Variants in NDUFC2 observed in about 807,000 individuals in gnomAD.
NDUFC2 encodes the protein NADH:ubiquinone oxidoreductase subunit C2.
Under a neutral mutation model 10.1 loss-of-function variants are expected in NDUFC2, and 2 were observed. That is an observed-to-expected ratio of 0.20 (90% CI 0.08 to 0.62). The LOEUF (loss-of-function observed/expected upper bound fraction) is 0.62. Ranked by LOEUF, NDUFC2 falls within the 20% of genes least tolerant of loss-of-function variation. NDUFC2 has a pLI of 0.87. For synonymous variants in NDUFC2, 61 were observed against 63.6 expected, an observed-to-expected ratio of 0.96 and a Z score of 0.20; for missense variants, 156 against 159.6, an observed-to-expected ratio of 0.98 and a Z score of 0.12.
At chr11:78,072,870 G>T in intron 2 of NDUFC2, 128 bp downstream of exon 2, 2 of 1,277,570 alleles carry the variant, frequency 1.6e-6, no homozygotes, top group Non-Finnish European at 2.1e-6. Context: ...AGAGAATTTT[G>T]GTCTATAGAC....
chr11:78,078,728 C>CTTTTTTTTTTTTTTTTTTTTTT lies in NDUFC2; in HGVS notation c.166+850_166+851insAAAAAAAAAAAAAAAAAAAAAA, dbSNP rs71046953. ...CCCAGACCTCATGAATCAGGATCCG[C>CTTTTTTTTTTTTTTTTTTTTTT]TTTTTTTTTTTTTTTGAGACAGGGT... On this transcript the variant is annotated intron_variant, in intron 1 of 2. Transcript: ENST00000281031. Among the ~76,000 whole-genome samples the CTTTTTTTTTTTTTTTTTTTTTT allele has an allele frequency of 7.9e-3, 485 of 61,554 alleles. 147 individuals carry two copies. Among genetic ancestry groups the CTTTTTTTTTTTTTTTTTTTTTT allele is most frequent in the African/African-American group, 0.023 (371 of 15,966 alleles). The allele number at this position is 61,554 out of a possible 152,430, so 40.4% of individuals were successfully genotyped here. A position where few individuals can be genotyped will look rare whatever the true frequency, so the allele number is the denominator to read the frequency against.
chr11:78,074,893 T>C (rs584981), intron 1 of NDUFC2, among the ~76,000 whole-genome samples: 28,546 of 152,168 alleles, frequency 0.19, 3,045 homozygotes, highest in Middle Eastern at 0.3. Flanking sequence ...CGCTGACCCA[T>C]GTTCCTCACA....
chr11:78,079,689 C>T lies in NDUFC2; in HGVS notation c.56G>A (p.Ser19Asn), dbSNP rs1295756791. ...PLRFLPDEAR[S>N]LPPPKLTDPR... The stretch of plus-strand genomic sequence containing the variant: ...GTCGGTCAGCTTGGGCGGGGGCAGG[C>T]TCCGGGCCTCATCCGGCAGAAACCG... The change falls in exon 1 of 3, where the codon AGC becomes AAC. Residue 19 changes from serine to asparagine, a missense_variant. Coordinates refer to ENST00000281031, the MANE Select transcript of NDUFC2 (RefSeq NM_004549.6). 3 of 1,609,982 alleles carry T rather than the reference C, an allele frequency of 1.9e-6. No homozygotes were observed. Among genetic ancestry groups the T allele is most frequent in the Admixed American group, 3.4e-5 (2 of 59,338 alleles).
chr11:78,075,274 T>A (rs964594630), intron 1 of NDUFC2, among the ~76,000 whole-genome samples: 4 of 152,198 alleles, frequency 2.6e-5, no homozygotes, highest in Admixed American at 6.5e-5. Context: ...TATAAAAAAA[T>A]TCTATTTATT....
At chr11:78,075,789 G>A (rs1859223965) in intron 1 of NDUFC2, among the ~76,000 whole-genome samples, 1 of 152,114 alleles carries the variant, frequency 6.6e-6, no homozygotes, top group African/African-American at 2.4e-5. Context: ...AAGTTTCCCT[G>A]TGTTTCCCAG....
At chr11:78,071,869 G>A (rs1047649718) in intron 2 of NDUFC2, among the ~76,000 whole-genome samples, 3 of 152,248 alleles carry the variant, frequency 2.0e-5, no homozygotes, top group Admixed American at 6.5e-5. Flanking sequence ...GGGCAGGTTC[G>A]GGACAAAGCA....
At chr11:78,074,472 G>T (rs1479520956) in intron 1 of NDUFC2, among the ~76,000 whole-genome samples, 1 of 151,914 alleles carries the variant, frequency 6.6e-6, no homozygotes, top group East Asian at 1.9e-4. Context: ...AATTAGCCGG[G>T]CGTGGTAGCA....
At chr11:78,070,668 G>A (rs1423529270) in intron 2 of NDUFC2, among the ~76,000 whole-genome samples, 1 of 152,154 alleles carries the variant, frequency 6.6e-6, no homozygotes, top group East Asian at 1.9e-4. Context: ...CCAAATGACT[G>A]CCAAGAGGGA....
rs1342026805 is a variant in NDUFC2 at position 78,079,837 on chromosome 11, C to T, written c.-93G>A. 19 of 1,446,336 alleles carry T rather than the reference C, an allele frequency of 1.3e-5. No homozygotes were observed. The highest frequency in any genetic ancestry group is 3.0e-5 in the African/African-American group (2 of 67,386). The allele number at this position is 1,446,336 out of a possible 1,614,324, so 89.6% of individuals were successfully genotyped here. On this transcript the variant is annotated 5_prime_UTR_variant, in exon 1 of 3. Transcript: ENST00000281031. ...TACCCCGGCCTAAGCGGTCAGCTTT[C>T]TCCTCCTCCTCTGCGCGCCGGACTC...
chr11:78,070,994 C>T (rs1400282101), intron 2 of NDUFC2, among the ~76,000 whole-genome samples: 1 of 152,202 alleles, frequency 6.6e-6, no homozygotes, highest in Non-Finnish European at 1.5e-5. Context: ...AAGATGACTT[C>T]CAGCTCTAAC....
In NDUFC2 at chr11:78,069,326, GC is replaced by G. The variant is rs1858887241; in HGVS notation, c.*660del. 6.5e-6 allele frequency: 1 copy of G among 153,100 alleles called. No homozygotes were observed. Among genetic ancestry groups the G allele is most frequent in the Non-Finnish European group, 1.5e-5 (1 of 68,818 alleles). The allele number at this position is 153,100 out of a possible 1,614,324, so 9.5% of individuals were successfully genotyped here. ...TTTCTCCAGGATAACCCACCTAAGAGCAAAGACAACTTGGCAACATAAGATT... is the reference window on the plus strand; with the variant it reads ...TTTCTCCAGGATAACCCACCTAAGAGAAAGACAACTTGGCAACATAAGATT... On this transcript the variant is annotated 3_prime_UTR_variant, in exon 3 of 3. Transcript: ENST00000281031.
intron 1 of NDUFC2, 24 bp downstream of exon 1, chr11:78,079,555 C>G (rs1038381499): frequency 6.5e-7 from 1 of 1,547,422 alleles, no homozygotes; most frequent in Admixed American, 2.0e-5. Flanking sequence ...TCCTCCCAGC[C>G]GATCCCGGCC....
chr11:78,079,123 A>AAAC (rs1172746273), intron 1 of NDUFC2, among the ~76,000 whole-genome samples: 3 of 151,560 alleles, frequency 2.0e-5, no homozygotes, highest in African/African-American at 7.3e-5. Flanking sequence ...CAAAAAAAAA[A>AAAC]AAAACCAAGC....
At chr11:78,072,872 T>C in intron 2 of NDUFC2, 126 bp downstream of exon 2, 1 of 1,322,120 alleles carries the variant, frequency 7.6e-7, no homozygotes, top group South Asian at 1.5e-5. Context: ...AGAATTTTGG[T>C]CTATAGACTA....
Position 78,073,132 on chromosome 11 carries a change from C to T in NDUFC2, c.176G>A (p.Arg59His), listed in dbSNP as rs200842875. The change falls in exon 2 of 3, where the codon CGC (arginine) becomes CAC (histidine). Residue 59 changes from arginine (R) to histidine (H), a missense_variant. Arg to His is a conservative substitution (Grantham distance 29, BLOSUM62 0). Transcript: ENST00000281031. ...RRPIATAGLH[R>H]QLLYITAFFF... ...AAAGGCCGTAATATATAGAAGCTGGCGATGCAAACCTGAAATTCAAATGAC... is the reference window on the plus strand; with the variant it reads ...AAAGGCCGTAATATATAGAAGCTGGTGATGCAAACCTGAAATTCAAATGAC... 86 of 1,611,178 alleles carry T rather than the reference C, an allele frequency of 5.3e-5. No homozygotes were observed. In the African/African-American group the frequency reaches 1.1e-3, roughly 20 times the overall value.
At position 78,073,001 on chromosome 11, in the gene NDUFC2, C is replaced by T. The variant is rs745499306; in HGVS notation, c.307G>A (p.Glu103Lys). 24 of 1,610,430 alleles carry T rather than the reference C, an allele frequency of 1.5e-5. No homozygotes were observed. Among genetic ancestry groups the T allele is most frequent in the Non-Finnish European group, 1.9e-5 (22 of 1,179,350 alleles). Residue 103 changes from glutamate to lysine, a missense_variant, in exon 2 of 3, where the codon GAA becomes AAA. Transcript: ENST00000281031. ...MKLHPEDFPE[E>K]DKKTYGEIFE... ...ATCTAAAATTAACTTGAAATACCTT[C>T]TTCAGGAAAATCCTCTGGATGTAAT...
chr11:78,073,872 A>G (rs965557480), intron 1 of NDUFC2, among the ~76,000 whole-genome samples: 1 of 148,176 alleles, frequency 6.7e-6, no homozygotes, highest in African/African-American at 2.5e-5. Flanking sequence ...GACACCCTAC[A>G]TATTCTTTTT....
intron 1 of NDUFC2, among the ~76,000 whole-genome samples, chr11:78,074,055 T>TTTC (rs1204983739): frequency 7.4e-4 from 32 of 43,420 alleles, no homozygotes; most frequent in Non-Finnish European, 1.3e-3. Context: ...TCTTTCTTTC[T>TTTC]TTTTTTTTTA....
intron 2 of NDUFC2, among the ~76,000 whole-genome samples, chr11:78,071,511 A>G (rs932558482): frequency 3.3e-5 from 5 of 152,156 alleles, no homozygotes; most frequent in African/African-American, 1.2e-4. Flanking sequence ...AATTTTTTCT[A>G]TACTCATTCA....
Sources: allele counts gnomAD v4.1 joint callset (sites outside exome capture counted in the v4.1 genomes callset), GRCh38; gene constraint gnomAD v4.1.1; transcripts MANE v1.5; gene names NCBI Gene and HGNC (gene_info 2026-07-23, HGNC 2026-07-21).